Variants in LRRC7 observed in about 807,000 individuals in gnomAD.
The protein encoded by LRRC7 is leucine-rich repeat-containing protein 7.
In LRRC7, 23 loss-of-function variants were observed where a neutral mutation model predicts 175.7. The observed-to-expected ratio is 0.13, with a 90% CI of 0.09 to 0.19. LRRC7 has a LOEUF of 0.19. LRRC7 is among the 10% of genes least tolerant of loss of function. The pLI is 1.00. For missense variants in LRRC7, 1,354 were observed against 1,904.7 expected (o/e 0.71, Z 5.38); for synonymous variants, 685 against 680.9 (o/e 1.01, Z -0.09).
At chr1:70,018,290 T>A (rs1310244109) in intron 14 of LRRC7, among the ~76,000 whole-genome samples, 1 of 152,080 alleles carries the variant, frequency 6.6e-6, no homozygotes, top group Non-Finnish European at 1.5e-5. Context: ...AATAAGTGAA[T>A]GCTGTTTTAA....
At chr1:69,828,887 AAT>A (rs1439102756) in intron 5 of LRRC7, among the ~76,000 whole-genome samples, 3 of 151,974 alleles carry the variant, frequency 2.0e-5, no homozygotes, top group African/African-American at 7.2e-5. Context: ...AGATGCTTGT[AAT>A]ATGTTTTCAT....
At position 69,662,589 on chromosome 1, in the gene LRRC7, C is replaced by T. The variant is rs1178731807; in HGVS notation, c.3-15792C>T. Among the ~76,000 whole-genome samples the T allele has an allele frequency of 2.6e-5, 4 of 152,158 alleles. No individual in the cohort carries two copies. In the East Asian group the frequency reaches 7.7e-4, roughly 29 times the overall value. On this transcript the variant is annotated intron_variant, in intron 1 of 26. Transcript: ENST00000651989. The stretch of plus-strand genomic sequence containing the variant: ...TTTTTGTTTTGTTAAGCATTTCACT[C>T]TCTTTTAAGCAGTTTAGGTGTGGTT...
At chr1:69,837,543 A>G (rs1168105407) in intron 6 of LRRC7, among the ~76,000 whole-genome samples, 2 of 151,868 alleles carry the variant, frequency 1.3e-5, no homozygotes, top group Non-Finnish European at 2.9e-5. Context: ...TTGTCTTCCT[A>G]CAAAGTCCCA....
At chr1:70,028,431 GT>G in intron 18 of LRRC7, 60 bp downstream of exon 18, 3 of 1,413,294 alleles carry the variant, frequency 2.1e-6, no homozygotes, top group African/African-American at 1.4e-5. Flanking sequence ...TTTTAAATAT[GT>G]TTTTTAACTG....
intron 1 of LRRC7, among the ~76,000 whole-genome samples, chr1:69,645,612 T>A (rs934574153): frequency 6.6e-6 from 1 of 152,082 alleles, no homozygotes; most frequent in African/African-American, 2.4e-5. Flanking sequence ...CACTCAGTCT[T>A]TGTTTGAACT....
At chr1:69,712,783 T>C (rs968496174) in intron 2 of LRRC7, among the ~76,000 whole-genome samples, 1 of 152,232 alleles carries the variant, frequency 6.6e-6, no homozygotes, top group Non-Finnish European at 1.5e-5. Flanking sequence ...AAAGTATGTG[T>C]GCTTTGCTGG....
chr1:69,720,273 A>G (rs1014113981), intron 2 of LRRC7, among the ~76,000 whole-genome samples: 2 of 151,514 alleles, frequency 1.3e-5, no homozygotes, highest in South Asian at 2.1e-4. Flanking sequence ...TTAGATATGC[A>G]TTCTTATACT....
In LRRC7 at chr1:70,107,754, T is replaced by C; in HGVS notation, c.4548T>C (p.Gly1516=). Residue 1516 remains glycine, a splice_region_variant and synonymous_variant, in exon 26 of 27, where the codon GGT becomes GGC. Transcript: ENST00000651989. ...QGNPFKPSDK[G]IFVTRVQPDG... is the part of the protein sequence containing the mutation. ...CCTCTGTTACTTCTGACTTATAGGG[T>C]ATCTTTGTTACTAGGGTTCAGCCTG... is the stretch of plus-strand genomic sequence containing the variant. 5.0e-6 allele frequency: 8 copies of C among 1,612,738 alleles called. No individual in the cohort carries two copies. Among genetic ancestry groups the C allele is most frequent in the Non-Finnish European group, 6.8e-6 (8 of 1,178,974 alleles).
At chr1:69,577,118 C>G (rs943358324) in intron 1 of LRRC7, among the ~76,000 whole-genome samples, 1 of 152,086 alleles carries the variant, frequency 6.6e-6, no homozygotes, top group Non-Finnish European at 1.5e-5. Context: ...CAATGTGGGA[C>G]GTGAACACAG....
chr1:69,856,731 GA>G (rs1327134236), intron 7 of LRRC7, among the ~76,000 whole-genome samples: 1 of 152,108 alleles, frequency 6.6e-6, no homozygotes, highest in African/African-American at 2.4e-5. Flanking sequence ...CCAATCAATA[GA>G]AAAAGAGGGA....
chr1:69,582,322 A>C (rs909567074), intron 1 of LRRC7, among the ~76,000 whole-genome samples: 5 of 152,184 alleles, frequency 3.3e-5, no homozygotes, highest in African/African-American at 4.8e-5. Flanking sequence ...CACCACAAAC[A>C]TTCATTTCTC....
chr1:69,970,308 CA>C (rs1207670595), intron 8 of LRRC7, among the ~76,000 whole-genome samples: 2 of 151,192 alleles, frequency 1.3e-5, no homozygotes, highest in Non-Finnish European at 1.5e-5. Flanking sequence ...AAATTGAAAC[CA>C]AAAAAATACA....
rs143582250 is a variant in LRRC7, at chr1:69,930,849, G to A, written c.648-658G>A. 3.3e-3 allele frequency among the ~76,000 whole-genome samples: 506 copies of A among 152,266 alleles called. 3 individuals carry two copies. The highest frequency in any genetic ancestry group is 0.012 in the African/African-American group (484 of 41,554). ...CACTTATAAAACCTTCAGATCTCAT[G>A]AGAATTCTCACTTTCATGAGAACAG... On this transcript the variant is annotated intron_variant, in intron 7 of 26. Coordinates refer to ENST00000651989, the MANE Select transcript of LRRC7 (RefSeq NM_001370785.2).
intron 15 of LRRC7, among the ~76,000 whole-genome samples, chr1:70,020,202 T>C (rs548021997): frequency 1.2e-4 from 19 of 152,126 alleles, no homozygotes; most frequent in Non-Finnish European, 2.4e-4. Flanking sequence ...AAGAAAGACA[T>C]ATATGATAAA....
At chr1:69,679,084 C>A (rs994676390) in intron 2 of LRRC7, among the ~76,000 whole-genome samples, 3 of 151,956 alleles carry the variant, frequency 2.0e-5, no homozygotes, top group Non-Finnish European at 4.4e-5. Context: ...ATGCCATTGG[C>A]TGTAGGGATT....
intron 7 of LRRC7, among the ~76,000 whole-genome samples, chr1:69,843,694 C>T (rs1681997459): frequency 6.6e-6 from 1 of 152,000 alleles, no homozygotes; most frequent in South Asian, 2.1e-4. Context: ...GATGCCAATA[C>T]ATTAAAACTT....
intron 21 of LRRC7, 89 bp downstream of exon 21, chr1:70,039,882 C>G: frequency 7.0e-7 from 1 of 1,419,570 alleles, no homozygotes; most frequent in Non-Finnish European, 9.5e-7. Context: ...GAAGCATGAA[C>G]TACATGAATG....
intron 21 of LRRC7, 143 bp downstream of exon 21, chr1:70,039,936 A>G: frequency 9.0e-7 from 1 of 1,114,722 alleles, no homozygotes. Flanking sequence ...TTGTGGGGAA[A>G]ATGGATCATA....
At chr1:69,712,938 T>C (rs1453135948) in intron 2 of LRRC7, among the ~76,000 whole-genome samples, 1 of 152,126 alleles carries the variant, frequency 6.6e-6, no homozygotes, top group East Asian at 1.9e-4. Flanking sequence ...AACACAAAGA[T>C]CTGTTGTTCT....
Sources: gnomAD v4.1 joint callset for allele counts (sites outside exome capture counted in the v4.1 genomes callset) on GRCh38, gnomAD v4.1.1 for gene constraint, MANE v1.5 for transcripts, NCBI Gene and HGNC (gene_info 2026-07-23, HGNC 2026-07-21) for gene names.